CYP2J2: variants seen among roughly 807,000 people sequenced by gnomAD.
CYP2J2 encodes the protein cytochrome P450 family 2 subfamily J member 2.
In CYP2J2, 41 loss-of-function variants were observed where a neutral mutation model predicts 48.8. The ratio of observed to expected loss-of-function variants is 0.84; its 90% CI spans 0.66 to 1.09. The LOEUF is 1.09. Ranked by LOEUF, CYP2J2 falls within the 50% of genes least tolerant of loss-of-function variation. The pLI is 0.00. For missense variants in CYP2J2, 644 were observed against 617.3 expected, an observed-to-expected ratio of 1.04 and a Z score of -0.46; for synonymous variants, 221 against 227.1, an observed-to-expected ratio of 0.97 and a Z score of 0.24.
chr1:59,954,191 T>G, the CYP2J2 span, among the ~76,000 whole-genome samples: 1 of 152,178 alleles, frequency 6.6e-6, no homozygotes, highest in Non-Finnish European at 1.5e-5. Flanking sequence ...ACGCAGCTCA[T>G]CTATGCAGTA....
chr1:59,955,142 AAAATAAATAAAT>A, the CYP2J2 span, among the ~76,000 whole-genome samples: 9 of 145,780 alleles, frequency 6.2e-5, no homozygotes, highest in East Asian at 1.0e-3. Flanking sequence ...CTCCAAAATT[AAAATAAATAAAT>A]AAATAAATAA....
Position 59,916,114 on chromosome 1 carries a change from A to T in CYP2J2, c.211-14T>A. 6.2e-7 allele frequency: 1 copy of T among 1,603,792 alleles called. No homozygotes were observed. Among genetic ancestry groups the T allele is most frequent in the Non-Finnish European group, 8.5e-7 (1 of 1,174,498 alleles). ...TTTCTTCACAAACTGAAAAATAGTT[A>T]AATCGTAACAGTTGAATATGCACAT... is the stretch of plus-strand genomic sequence containing the variant. On this transcript the variant is annotated splice_polypyrimidine_tract_variant and intron_variant, in intron 1 of 8. Coordinates refer to ENST00000371204, the MANE Select transcript of CYP2J2 (RefSeq NM_000775.4).
At chr1:59,940,412 C>T in the CYP2J2 span, among the ~76,000 whole-genome samples, 1 of 152,160 alleles carries the variant, frequency 6.6e-6, no homozygotes, top group Admixed American at 6.5e-5. Context: ...TGACTGGTGC[C>T]CTGTCCTACT....
At chr1:59,934,982 A>G in the CYP2J2 span, among the ~76,000 whole-genome samples, 1 of 127,866 alleles carries the variant, frequency 7.8e-6, no homozygotes, top group Non-Finnish European at 1.6e-5. Flanking sequence ...AGGTAAAAAG[A>G]AAATGGGATA....
At chr1:59,893,850 A>T in intron 8 of CYP2J2, 21 bp from the exon 9 acceptor site, 2 of 1,583,278 alleles carry the variant, frequency 1.3e-6, no homozygotes, top group Non-Finnish European at 1.7e-6. Flanking sequence ...AAATCAAAAG[A>T]CGGGTTATCT....
At chr1:59,956,294 C>A in the CYP2J2 span, among the ~76,000 whole-genome samples, 1 of 151,998 alleles carries the variant, frequency 6.6e-6, no homozygotes, top group South Asian at 2.1e-4. Context: ...TCTGCAGAGC[C>A]ATTGTGTTGG....
chr1:59,939,712 C>T, the CYP2J2 span, among the ~76,000 whole-genome samples: 1 of 152,206 alleles, frequency 6.6e-6, no homozygotes. Context: ...TGTTCAGGAG[C>T]CAGGGACTAA....
At chr1:59,955,012 C>A in the CYP2J2 span, among the ~76,000 whole-genome samples, 1 of 151,742 alleles carries the variant, frequency 6.6e-6, no homozygotes, top group South Asian at 2.1e-4. Context: ...GTGACATGCA[C>A]CTGTAGTCCC....
chr1:59,898,074 C>G (rs1268681883), intron 8 of CYP2J2, among the ~76,000 whole-genome samples: 1 of 152,208 alleles, frequency 6.6e-6, no homozygotes, highest in Non-Finnish European at 1.5e-5. Context: ...TTTCATTCTT[C>G]TCAGTCAGAA....
At chr1:59,903,998 C>A (rs1455821782) in intron 7 of CYP2J2, among the ~76,000 whole-genome samples, 1 of 152,196 alleles carries the variant, frequency 6.6e-6, no homozygotes, top group Non-Finnish European at 1.5e-5. Context: ...ATAATCATTG[C>A]TTAATACATG....
At chr1:59,908,706 C>A (rs1644385542) in intron 5 of CYP2J2, among the ~76,000 whole-genome samples, 1 of 152,216 alleles carries the variant, frequency 6.6e-6, no homozygotes, top group Admixed American at 6.5e-5. Flanking sequence ...ATCCACCATT[C>A]TTTCCACTCC....
At chr1:59,918,804 A>G (rs546294175) in intron 1 of CYP2J2, among the ~76,000 whole-genome samples, 1 of 152,334 alleles carries the variant, frequency 6.6e-6, no homozygotes, top group East Asian at 1.9e-4. Context: ...ATAAAAGTCA[A>G]ACAAAAGCAA....
chr1:59,913,360 T>C (rs1644435628), intron 2 of CYP2J2: 1 of 152,214 alleles, frequency 6.6e-6, no homozygotes, highest in Admixed American at 6.5e-5. Context: ...CATCTATTGA[T>C]AGTGACCATC....
chr1:59,924,367 A>C (rs1012375852), intron 1 of CYP2J2, among the ~76,000 whole-genome samples: 2 of 152,182 alleles, frequency 1.3e-5, no homozygotes, highest in Non-Finnish European at 2.9e-5. Flanking sequence ...AAAAAAGATA[A>C]ATGAAAAGGG....
At position 59,916,060 on chromosome 1, in the gene CYP2J2, C is replaced by A. The variant is rs779601407; in HGVS notation, c.251G>T (p.Gly84Val). The A allele has an allele frequency of 6.2e-7, 1 of 1,612,102 alleles. No homozygotes were observed. ...AGTAATAAGAACTGCAGATATGTCACCAAGCTCCAAGCTAAAAAGGTTCCC... is the reference window on the plus strand; with the variant it reads ...AGTAATAAGAACTGCAGATATGTCAACAAGCTCCAAGCTAAAAAGGTTCCC... ...KYGNLFSLELGDISAVLITGL... is the reference protein window; with the variant it reads ...KYGNLFSLELVDISAVLITGL... Residue 84 changes from glycine to valine, a missense_variant, in exon 2 of 9, where the codon GGT becomes GTT. Coordinates refer to ENST00000371204, the MANE Select transcript of CYP2J2 (RefSeq NM_000775.4).
Position 59,911,630 on chromosome 1 carries a change from A to G in CYP2J2, c.662T>C (p.Leu221Ser). 1 of 1,612,270 alleles carries G rather than the reference A, an allele frequency of 6.2e-7. No homozygotes were observed. Among genetic ancestry groups the G allele is most frequent in the South Asian group, 1.1e-5 (1 of 90,660 alleles). ...LLKLLDEVTYLEASKTCQLYN... is the reference protein window; with the variant it reads ...LLKLLDEVTYSEASKTCQLYN... ...TACCTGGCATGTCTTTGAAGCCTCC[A>G]AGTATGTGACTTCATCTAGTAACTT... is the stretch of plus-strand genomic sequence containing the variant. The change falls in exon 4 of 9, where the codon TTG becomes TCG. Residue 221 changes from leucine (L) to serine (S), a missense_variant. By Grantham distance (145) the Leu-to-Ser change is moderately radical. Transcript: ENST00000371204.
chr1:59,925,299 C>A (rs977912414), intron 1 of CYP2J2, among the ~76,000 whole-genome samples: 2 of 152,132 alleles, frequency 1.3e-5, no homozygotes, highest in African/African-American at 4.8e-5. Flanking sequence ...CCAGTAAAAT[C>A]AAATTGATAT....
the CYP2J2 span, among the ~76,000 whole-genome samples, chr1:59,959,143 T>C: frequency 3.9e-5 from 6 of 152,250 alleles, no homozygotes; most frequent in East Asian, 1.2e-3. Context: ...GATTAATTTC[T>C]CCCTGTATGT....
chr1:59,898,110 C>T (rs980125822), intron 8 of CYP2J2, among the ~76,000 whole-genome samples: 2 of 152,180 alleles, frequency 1.3e-5, no homozygotes, highest in African/African-American at 4.8e-5. Flanking sequence ...ACAAAGCAGC[C>T]TCAATTTTCC....
Sources: gnomAD v4.1 joint callset for allele counts (sites outside exome capture counted in the v4.1 genomes callset) on GRCh38, gnomAD v4.1.1 for gene constraint, MANE v1.5 for transcripts, NCBI Gene and HGNC (gene_info 2026-07-23, HGNC 2026-07-21) for gene names.